TRPC4AP: variants seen among roughly 807,000 people sequenced by gnomAD.
TRPC4AP encodes the protein short transient receptor potential channel 4-associated protein.
Under a neutral mutation model 99.0 loss-of-function variants are expected in TRPC4AP, and 45 were observed. That is an observed-to-expected ratio of 0.45 (90% CI 0.36 to 0.58). The LOEUF is 0.58. Among genes scored for constraint, TRPC4AP ranks in the 20% least tolerant of loss-of-function variants. TRPC4AP has a pLI of 0.00. For synonymous variants in TRPC4AP, 408 were observed against 385.8 expected (o/e 1.06, Z -0.67); for missense variants, 879 against 985.3 (o/e 0.89, Z 1.44).
At chr20:35,083,536 G>T (rs562026423) in intron 1 of TRPC4AP, among the ~76,000 whole-genome samples, 1 of 151,866 alleles carries the variant, frequency 6.6e-6, no homozygotes, top group South Asian at 2.1e-4. Context: ...CTTGAACCTG[G>T]GAGGCGGAGG....
intron 12 of TRPC4AP, among the ~76,000 whole-genome samples, chr20:35,009,147 G>C (rs1244503048): frequency 6.6e-6 from 1 of 152,206 alleles, no homozygotes; most frequent in Non-Finnish European, 1.5e-5. Flanking sequence ...CCTTGGGCAA[G>C]TGTCCACAAC....
At position 35,002,605 on chromosome 20, in the gene TRPC4AP, G is replaced by A. The variant is rs2082416355; in HGVS notation, c.*541C>T. The A allele has an allele frequency of 1.1e-5, 2 of 181,326 alleles. No individual in the cohort carries two copies. The highest frequency in any genetic ancestry group is 2.3e-5 in the Non-Finnish European group (2 of 87,566). 11.2% of individuals were successfully genotyped at this position (181,326 alleles called of 1,614,324 possible). A position where few individuals can be genotyped will look rare whatever the true frequency, so the allele number is the denominator to read the frequency against. Reference sequence around the variant, plus strand: ...CACTTCTGGGAGAACCCCCTTGGATGAACACAGCGGCCAATGAGCAAACAG... The same window carrying A: ...CACTTCTGGGAGAACCCCCTTGGATAAACACAGCGGCCAATGAGCAAACAG... On this transcript the variant is annotated 3_prime_UTR_variant, in exon 19 of 19. Transcript: ENST00000252015.
At chr20:35,066,359 G>A (rs375079257) in intron 3 of TRPC4AP, among the ~76,000 whole-genome samples, 20 of 152,082 alleles carry the variant, frequency 1.3e-4, no homozygotes, top group African/African-American at 4.1e-4. Context: ...CGCCTGCTTC[G>A]GCCTCCTAAA....
At chr20:35,035,074 G>A (rs2083288215) in intron 8 of TRPC4AP, 49 bp downstream of exon 8, 1 of 1,553,766 alleles carries the variant, frequency 6.4e-7, no homozygotes, top group East Asian at 2.3e-5. Flanking sequence ...ATGGTCCCAG[G>A]CGCCCAAGGA....
intron 7 of TRPC4AP, among the ~76,000 whole-genome samples, chr20:35,040,178 G>A (rs2083415578): frequency 6.6e-6 from 1 of 151,978 alleles, no homozygotes; most frequent in African/African-American, 2.4e-5. Flanking sequence ...TGGTGTGATG[G>A]TTAATTTTAG....
In TRPC4AP at chr20:35,003,104, C is replaced by T. The variant is rs376635360; in HGVS notation, c.*42G>A. The T allele has an allele frequency of 1.7e-5, 28 of 1,611,422 alleles. No individual in the cohort carries two copies. Among genetic ancestry groups the T allele is most frequent in the African/African-American group, 4.0e-5 (3 of 74,904 alleles). The stretch of plus-strand genomic sequence containing the variant: ...GGGCGTGTGGCATCGTACCCACGCT[C>T]ACCCACACTGGCCCAGCAGCCTCCC... On this transcript the variant is annotated 3_prime_UTR_variant, in exon 19 of 19. Coordinates refer to ENST00000252015, the MANE Select transcript of TRPC4AP (RefSeq NM_015638.3).
intron 2 of TRPC4AP, among the ~76,000 whole-genome samples, chr20:35,070,381 G>A (rs1226623898): frequency 6.6e-6 from 1 of 151,518 alleles, no homozygotes; most frequent in Non-Finnish European, 1.5e-5. Flanking sequence ...GTAACATTTA[G>A]CACTTTTACT....
At chr20:35,074,603 G>A (rs2084422131) in intron 2 of TRPC4AP, among the ~76,000 whole-genome samples, 1 of 152,148 alleles carries the variant, frequency 6.6e-6, no homozygotes, top group Non-Finnish European at 1.5e-5. Context: ...TTAATCCTGA[G>A]TTCTAGTTTG....
At chr20:35,048,414 T>G (rs1373541098) in intron 6 of TRPC4AP, among the ~76,000 whole-genome samples, 1 of 152,070 alleles carries the variant, frequency 6.6e-6, no homozygotes, top group Non-Finnish European at 1.5e-5. Flanking sequence ...AGACTGGGTT[T>G]TGCCATGATG....
chr20:35,077,906 T>C (rs1019709412), intron 2 of TRPC4AP, 140 bp downstream of exon 2: 4 of 947,678 alleles, frequency 4.2e-6, no homozygotes, highest in African/African-American at 1.6e-5. Context: ...GTACTTTTTC[T>C]GAATTTCTCA....
In TRPC4AP at chr20:35,006,593, G is replaced by A; in HGVS notation, c.1687-18C>T. The A allele has an allele frequency of 6.2e-7, 1 of 1,609,860 alleles. No homozygotes were observed. Among genetic ancestry groups the A allele is most frequent in the Non-Finnish European group, 8.5e-7 (1 of 1,176,754 alleles). On this transcript the variant is annotated intron_variant, in intron 14 of 18. Coordinates refer to ENST00000252015, the MANE Select transcript of TRPC4AP (RefSeq NM_015638.3). ...AGGATGTGCTGGGTGAGGAGGGACA[G>A]GGTGAAGGTGTCAACGTGGCTGCCC...
chr20:35,028,211 C>CAT (rs1555906124), intron 8 of TRPC4AP, among the ~76,000 whole-genome samples: 6 of 147,146 alleles, frequency 4.1e-5, no homozygotes, highest in Admixed American at 4.1e-4. Flanking sequence ...AAAATATTTC[C>CAT]TTTTTTTTTT....
intron 5 of TRPC4AP, among the ~76,000 whole-genome samples, chr20:35,052,457 C>A (rs373650126): frequency 4.6e-5 from 7 of 152,036 alleles, no homozygotes; most frequent in African/African-American, 1.7e-4. Flanking sequence ...AACTAGCATC[C>A]AGTAGGCCAA....
intron 3 of TRPC4AP, among the ~76,000 whole-genome samples, chr20:35,064,578 GAGA>G (rs2084092575): frequency 6.6e-6 from 1 of 152,212 alleles, no homozygotes; most frequent in African/African-American, 2.4e-5. Flanking sequence ...GTCAATTCTA[GAGA>G]AGCACTGGGC....
At chr20:35,006,824 CTG>C (rs1236390128) in intron 14 of TRPC4AP, among the ~76,000 whole-genome samples, 1 of 152,250 alleles carries the variant, frequency 6.6e-6, no homozygotes, top group Non-Finnish European at 1.5e-5. Context: ...CAGCTGAAGC[CTG>C]TGACCTGCTC....
At chr20:35,012,642 G>A (rs140909956) in intron 11 of TRPC4AP, among the ~76,000 whole-genome samples, 201 of 152,302 alleles carry the variant, frequency 1.3e-3, no homozygotes, top group African/African-American at 4.6e-3. Context: ...GTAAGCAGTC[G>A]GCTTTGCCTG....
intron 9 of TRPC4AP, among the ~76,000 whole-genome samples, chr20:35,016,773 A>C (rs1011602407): frequency 2.0e-5 from 3 of 152,254 alleles, no homozygotes. Flanking sequence ...TCACAAGCCA[A>C]ATATGACAAA....
intron 6 of TRPC4AP, among the ~76,000 whole-genome samples, chr20:35,046,928 G>C (rs1264513764): frequency 1.3e-5 from 2 of 152,016 alleles, no homozygotes; most frequent in Non-Finnish European, 2.9e-5. Context: ...GAGCGCAATG[G>C]CACAATCTCT....
chr20:35,037,400 A>G (rs2083344353), intron 7 of TRPC4AP, among the ~76,000 whole-genome samples: 1 of 152,042 alleles, frequency 6.6e-6, no homozygotes, highest in Admixed American at 6.5e-5. Flanking sequence ...ATGACCCAGC[A>G]ATTTCACTCC....
Sources: gnomAD v4.1 joint callset for allele counts (sites outside exome capture counted in the v4.1 genomes callset) on GRCh38, gnomAD v4.1.1 for gene constraint, MANE v1.5 for transcripts, NCBI Gene and HGNC (gene_info 2026-07-23, HGNC 2026-07-21) for gene names.